SLC25A13: variants seen among roughly 807,000 people sequenced by gnomAD.
SLC25A13 encodes the protein electrogenic aspartate/glutamate antiporter SLC25A13, mitochondrial.
A neutral mutation model predicts 85.5 loss-of-function variants in SLC25A13; 70 were observed. The ratio of observed to expected loss-of-function variants is 0.82; its 90% CI spans 0.68 to 1.00. SLC25A13 has a LOEUF of 1.00. SLC25A13 is among the 50% of genes least tolerant of loss of function. The pLI is 0.00. For missense variants in SLC25A13, 765 were observed against 819.8 expected (o/e 0.93, Z 0.82); for synonymous variants, 259 against 288.7 (o/e 0.90, Z 1.04).
At chr7:96,200,954 T>G (rs1174471011) in intron 5 of SLC25A13, among the ~76,000 whole-genome samples, 1 of 152,136 alleles carries the variant, frequency 6.6e-6, no homozygotes, top group Non-Finnish European at 1.5e-5. Flanking sequence ...ACTGTCCAAG[T>G]GATCACATCT....
At chr7:96,296,840 T>C in intron 2 of SLC25A13, 58 bp downstream of exon 2, 2 of 1,485,842 alleles carry the variant, frequency 1.3e-6, no homozygotes, top group Non-Finnish European at 9.4e-7. Flanking sequence ...GAAAATAATA[T>C]TTAAAAGTTA....
chr7:96,206,711 T>G (rs1256768690), intron 5 of SLC25A13, among the ~76,000 whole-genome samples: 5 of 152,188 alleles, frequency 3.3e-5, no homozygotes, highest in Non-Finnish European at 5.9e-5. Flanking sequence ...TGTTTCCATT[T>G]ACCATTATAA....
intron 13 of SLC25A13, among the ~76,000 whole-genome samples, chr7:96,151,578 CAG>C (rs1318475738): frequency 7.3e-5 from 11 of 150,794 alleles, no homozygotes; most frequent in Admixed American, 5.9e-4. Flanking sequence ...GCCTGAGCGA[CAG>C]AGGGAGATTC....
intron 5 of SLC25A13, among the ~76,000 whole-genome samples, chr7:96,201,511 C>CAAA (rs11448108): frequency 3.8e-4 from 47 of 124,582 alleles, no homozygotes; most frequent in Admixed American, 7.4e-4. Context: ...GACTCTGTCT[C>CAAA]AAAAAAAAAA....
intron 5 of SLC25A13, among the ~76,000 whole-genome samples, chr7:96,195,372 A>C (rs1422707319): frequency 6.6e-6 from 1 of 152,074 alleles, no homozygotes. Flanking sequence ...AGGCCTTTGA[A>C]AGTTTGCCCA....
intron 2 of SLC25A13, among the ~76,000 whole-genome samples, chr7:96,288,717 G>C (rs1326028934): frequency 2.0e-5 from 3 of 152,134 alleles, no homozygotes; most frequent in African/African-American, 4.8e-5. Context: ...CAGTGAGGCT[G>C]GGGGAGGGGC....
chr7:96,296,019 T>C (rs958273937), intron 2 of SLC25A13, among the ~76,000 whole-genome samples: 1 of 151,956 alleles, frequency 6.6e-6, no homozygotes, highest in Non-Finnish European at 1.5e-5. Flanking sequence ...TTTTATTCTA[T>C]TAATCATTCA....
intron 4 of SLC25A13, among the ~76,000 whole-genome samples, chr7:96,220,021 G>T (rs1406656878): frequency 6.6e-6 from 1 of 152,118 alleles, no homozygotes; most frequent in Non-Finnish European, 1.5e-5. Context: ...TCAAAAGTAG[G>T]TCAATTAAAA....
chr7:96,262,420 G>T (rs1440998199), intron 3 of SLC25A13, among the ~76,000 whole-genome samples: 1 of 152,080 alleles, frequency 6.6e-6, no homozygotes, highest in Non-Finnish European at 1.5e-5. Flanking sequence ...GCCCAGTAAC[G>T]ATACTTATTC....
At chr7:96,171,432 C>T (rs1793996685) in intron 12 of SLC25A13, 40 bp downstream of exon 12, 3 of 1,573,360 alleles carry the variant, frequency 1.9e-6, no homozygotes, top group African/African-American at 1.3e-5. Context: ...TGAGTATGTA[C>T]AAAATCCCTT....
chr7:96,283,336 C>A (rs1798758201), intron 2 of SLC25A13: 1 of 270,230 alleles, frequency 3.7e-6, no homozygotes, highest in South Asian at 4.7e-5. Flanking sequence ...GAACCACCAT[C>A]TTCCAGTAAT....
At chr7:96,291,761 G>A (rs1004268571) in intron 2 of SLC25A13, among the ~76,000 whole-genome samples, 2 of 152,094 alleles carry the variant, frequency 1.3e-5, no homozygotes, top group African/African-American at 4.8e-5. Flanking sequence ...ACCAATAACA[G>A]GATCTGAAAT....
intron 4 of SLC25A13, among the ~76,000 whole-genome samples, chr7:96,225,323 T>C (rs1045899218): frequency 3.3e-5 from 5 of 152,064 alleles, no homozygotes; most frequent in Admixed American, 6.6e-5. Flanking sequence ...GGCGGGAGGA[T>C]TGCTTGAGCC....
chr7:96,219,429 C>G (rs1220134774), intron 4 of SLC25A13, among the ~76,000 whole-genome samples: 1 of 152,152 alleles, frequency 6.6e-6, no homozygotes, highest in African/African-American at 2.4e-5. Context: ...AGGGATGGAA[C>G]TAGCCTGAGT....
intron 3 of SLC25A13, among the ~76,000 whole-genome samples, chr7:96,259,470 T>C (rs1797762575): frequency 6.6e-6 from 1 of 152,172 alleles, no homozygotes; most frequent in South Asian, 2.1e-4. Flanking sequence ...TCATCATCAC[T>C]GGTCATTAGA....
chr7:96,125,250 G>A (rs896328389), intron 15 of SLC25A13, among the ~76,000 whole-genome samples: 2 of 152,000 alleles, frequency 1.3e-5, no homozygotes, highest in African/African-American at 2.4e-5. Context: ...CAGCACGCCC[G>A]GCTATTTTTT....
chr7:96,319,187 AT>A (rs1362789080), intron 1 of SLC25A13, among the ~76,000 whole-genome samples: 1 of 152,224 alleles, frequency 6.6e-6, no homozygotes, highest in Non-Finnish European at 1.5e-5. Context: ...AAATGGCCTT[AT>A]GTAACCCACA....
intron 3 of SLC25A13, among the ~76,000 whole-genome samples, chr7:96,244,351 A>T (rs1332738206): frequency 6.6e-6 from 1 of 152,116 alleles, no homozygotes; most frequent in Non-Finnish European, 1.5e-5. Flanking sequence ...ATGTTAGTTG[A>T]TGGTCAGCAA....
chr7:96,219,721 T>C (rs1385173405), intron 4 of SLC25A13: 1 of 534,502 alleles, frequency 1.9e-6, no homozygotes, highest in Non-Finnish European at 3.8e-6. Context: ...TCTACACTAT[T>C]ACAATGAGAA....
Sources: allele counts gnomAD v4.1 joint callset (sites outside exome capture counted in the v4.1 genomes callset), GRCh38; gene constraint gnomAD v4.1.1; transcripts MANE v1.5; gene names NCBI Gene and HGNC (gene_info 2026-07-23, HGNC 2026-07-21).